Variants in HDAC9 observed in about 807,000 individuals in gnomAD.
HDAC9 encodes the protein MEF-2 interacting transcription repressor (MITR) protein.
A neutral mutation model predicts 139.4 loss-of-function variants in HDAC9; 41 were observed. The observed-to-expected ratio is 0.29, with a 90% CI of 0.23 to 0.38. HDAC9 has a LOEUF of 0.38. Ranked by LOEUF, HDAC9 falls within the 10% of genes least tolerant of loss-of-function variation. The probability of loss-of-function intolerance (pLI) is 1.00; values close to 1 mark genes in which losing one functional copy is unlikely to be tolerated. For synonymous variants in HDAC9, 517 were observed against 476.2 expected (o/e 1.09, Z -1.12); for missense variants, 1,147 against 1,297.0 (o/e 0.88, Z 1.78).
At chr7:18,548,497 A>G (rs535804536) in intron 2 of HDAC9, among the ~76,000 whole-genome samples, 1 of 152,364 alleles carries the variant, frequency 6.6e-6, no homozygotes, top group South Asian at 2.1e-4. Flanking sequence ...GCAAAGCAAA[A>G]TAAAATGAGA....
chr7:18,275,843 T>A (rs1796684415), intron 2 of HDAC9, among the ~76,000 whole-genome samples: 1 of 152,208 alleles, frequency 6.6e-6, no homozygotes, highest in Admixed American at 6.5e-5. Flanking sequence ...CACTTCCTAT[T>A]TTCTAACATA....
intron 24 of HDAC9, among the ~76,000 whole-genome samples, chr7:18,958,170 A>G (rs560134755): frequency 6.6e-6 from 1 of 152,134 alleles, no homozygotes; most frequent in Admixed American, 6.6e-5. Context: ...CTTACAGGCC[A>G]CAGAAGGGCA....
chr7:18,759,120 T>A (rs1789145866), intron 14 of HDAC9, among the ~76,000 whole-genome samples: 1 of 152,040 alleles, frequency 6.6e-6, no homozygotes, highest in Non-Finnish European at 1.5e-5. Context: ...TTAGATTAAG[T>A]CAATGCTAGA....
chr7:18,685,913 A>G (rs572379904), intron 12 of HDAC9, among the ~76,000 whole-genome samples: 3 of 152,184 alleles, frequency 2.0e-5, no homozygotes, highest in African/African-American at 7.2e-5. Context: ...AATGACAACA[A>G]TAACAACAAT....
At chr7:18,451,765 A>T (rs1240896353) in intron 1 of HDAC9, among the ~76,000 whole-genome samples, 1 of 151,952 alleles carries the variant, frequency 6.6e-6, no homozygotes, top group African/African-American at 2.4e-5. Context: ...GAACTGTGTG[A>T]TGTGAGATGG....
chr7:18,827,773 C>T (rs1585112622), intron 17 of HDAC9, among the ~76,000 whole-genome samples: 1 of 152,062 alleles, frequency 6.6e-6, no homozygotes, highest in Non-Finnish European at 1.5e-5. Flanking sequence ...TTATTTTCAT[C>T]CTATTGGTTT....
At chr7:18,349,326 AC>A in intron 1 of HDAC9, among the ~76,000 whole-genome samples, 1 of 148,974 alleles carries the variant, frequency 6.7e-6, no homozygotes, top group Non-Finnish European at 1.5e-5. Context: ...ACACACACAC[AC>A]ACACACACAC....
upstream of HDAC9, among the ~76,000 whole-genome samples, chr7:18,493,279 C>T (rs1586272811): frequency 6.6e-6 from 1 of 151,756 alleles, no homozygotes; most frequent in African/African-American, 2.4e-5. Context: ...TTTGTATATT[C>T]ATCATAAATT....
chr7:18,423,289 T>C (rs1463753294), intron 1 of HDAC9, among the ~76,000 whole-genome samples: 2 of 152,224 alleles, frequency 1.3e-5, no homozygotes, highest in African/African-American at 2.4e-5. Flanking sequence ...TTTGTAACCA[T>C]AGATATTTTT....
At chr7:18,464,182 G>T (rs952796554) in intron 1 of HDAC9, among the ~76,000 whole-genome samples, 15 of 151,832 alleles carry the variant, frequency 9.9e-5, no homozygotes, top group Admixed American at 9.8e-4. Flanking sequence ...TGTTTGCATA[G>T]TATATCTCTC....
At chr7:18,225,586 G>A (rs1198047310) in intron 2 of HDAC9, among the ~76,000 whole-genome samples, 1 of 152,046 alleles carries the variant, frequency 6.6e-6, no homozygotes, top group African/African-American at 2.4e-5. Flanking sequence ...GTTTAATTAT[G>A]TGTTCATGCA....
At chr7:18,460,250 A>G (rs1021195045) in intron 1 of HDAC9, among the ~76,000 whole-genome samples, 1 of 152,068 alleles carries the variant, frequency 6.6e-6, no homozygotes, top group Non-Finnish European at 1.5e-5. Flanking sequence ...CCATCACCAT[A>G]CTGATGATAA....
At chr7:18,481,261 A>C (rs1031804771) in intron 1 of HDAC9, among the ~76,000 whole-genome samples, 2 of 152,216 alleles carry the variant, frequency 1.3e-5, no homozygotes, top group Non-Finnish European at 2.9e-5. Flanking sequence ...ATAGGCTTTG[A>C]ACAGTTTGCT....
intron 1 of HDAC9, among the ~76,000 whole-genome samples, chr7:18,459,184 T>G (rs1173042496): frequency 6.6e-6 from 1 of 152,092 alleles, no homozygotes; most frequent in Non-Finnish European, 1.5e-5. Flanking sequence ...TGTTATAATT[T>G]TTTATCTTAG....
At chr7:18,457,295 T>C (rs1329292245) in intron 1 of HDAC9, among the ~76,000 whole-genome samples, 1 of 152,242 alleles carries the variant, frequency 6.6e-6, no homozygotes, top group African/African-American at 2.4e-5. Context: ...CATCAACTTA[T>C]ACTGCCTTAC....
rs192650894 is a variant in HDAC9, at chr7:18,533,748, A to T, written c.22+37424A>T. 4.6e-5 allele frequency among the ~76,000 whole-genome samples: 7 copies of T among 151,344 alleles called. No individual in the cohort carries two copies. The East Asian group carries it at 1.4e-3, about 29-fold the overall frequency. ...GAATTATTTTCCTTTCTTTAATATA[A>T]CTTCTTCTCCTTTGTGTTCTCTACT... On this transcript the variant is annotated intron_variant, in intron 2 of 25. Transcript: ENST00000686413.
Position 18,320,458 on chromosome 7 carries a change from G to A in HDAC9, c.-42+29943G>A, listed in dbSNP as rs999767416. Among the ~76,000 whole-genome samples the A allele has an allele frequency of 3.3e-5, 5 of 152,166 alleles. No homozygotes were observed. The East Asian group carries it at 7.7e-4, about 23-fold the overall frequency. On this transcript the variant is annotated intron_variant, in intron 1 of 3. Coordinates refer to the HDAC9 transcript ENST00000413509. ...TCTCCTGTCCAACCTTGAAAGATGT[G>A]TTGCTGCAGGATCGGTGGCTCTTCA...
chr7:18,862,004 TG>T (rs1798144536), intron 21 of HDAC9, among the ~76,000 whole-genome samples: 1 of 151,916 alleles, frequency 6.6e-6, no homozygotes, highest in Admixed American at 6.6e-5. Context: ...TGTAGTGAAA[TG>T]ATATGGACTC....
At chr7:18,713,267 A>G (rs1286005372) in intron 12 of HDAC9, among the ~76,000 whole-genome samples, 8 of 152,220 alleles carry the variant, frequency 5.3e-5, no homozygotes, top group African/African-American at 1.7e-4. Flanking sequence ...TGGTTGCTAT[A>G]GGCCAAATTA....
Sources: gnomAD v4.1 joint callset for allele counts (sites outside exome capture counted in the v4.1 genomes callset) on GRCh38, gnomAD v4.1.1 for gene constraint, MANE v1.5 for transcripts, NCBI Gene and HGNC (gene_info 2026-07-23, HGNC 2026-07-21) for gene names.